Variants in CDH5 observed in about 807,000 individuals in gnomAD.
CDH5 encodes the protein cadherin 5, also known as cadherin-5.
A neutral mutation model predicts 62.0 loss-of-function variants in CDH5; 28 were observed. That is an observed-to-expected ratio of 0.45 (90% CI 0.33 to 0.62). The LOEUF (loss-of-function observed/expected upper bound fraction) is 0.62, where lower values mean the gene tolerates loss of function less well. CDH5 is among the 20% of genes least tolerant of loss of function. The pLI, the probability that CDH5 is intolerant of heterozygous loss-of-function variation, is 0.02. For synonymous variants in CDH5, 464 were observed against 445.8 expected (o/e 1.04, Z -0.52); for missense variants, 940 against 1,065.1 (o/e 0.88, Z 1.63).
chr16:66,398,309 T>C (rs1224117807), intron 9 of CDH5, 147 bp from the exon 10 acceptor site: 5 of 771,904 alleles, frequency 6.5e-6, no homozygotes, highest in Non-Finnish European at 1.1e-5. Context: ...GTAGAAAGAA[T>C]GGCTTTATGA....
intron 6 of CDH5, among the ~76,000 whole-genome samples, chr16:66,390,896 G>A (rs1275971623): frequency 6.6e-6 from 1 of 152,226 alleles, no homozygotes; most frequent in Non-Finnish European, 1.5e-5. Flanking sequence ...GAGGGTGAAG[G>A]AGCTGGGGTA....
At chr16:66,369,651 TC>T (rs1182911682) in intron 1 of CDH5, among the ~76,000 whole-genome samples, 2 of 152,136 alleles carry the variant, frequency 1.3e-5, no homozygotes, top group African/African-American at 4.8e-5. Flanking sequence ...GGGTGTTCTC[TC>T]CTTGAAGTTT....
Position 66,404,339 on chromosome 16 carries a change from C to G in CDH5, c.*1170C>G, listed in dbSNP as rs1381966428. ...GTCACCCATGCATCTTCCACTGGAA[C>G]GTTTCACTGCAAACACACCTTGGAG... On this transcript the variant is annotated 3_prime_UTR_variant, in exon 12 of 12. Transcript: ENST00000341529. The G allele has an allele frequency of 6.6e-6, 1 of 152,612 alleles. No individual in the cohort carries two copies. Among genetic ancestry groups the G allele is most frequent in the African/African-American group, 2.4e-5 (1 of 41,466 alleles). The allele number at this position is 152,612 out of a possible 1,614,324, so 9.5% of individuals were successfully genotyped here. A position where few individuals can be genotyped will look rare whatever the true frequency, so the allele number is the denominator to read the frequency against.
intron 7 of CDH5, among the ~76,000 whole-genome samples, chr16:66,394,822 T>A (rs1388069798): frequency 1.4e-5 from 2 of 138,106 alleles, no homozygotes; most frequent in Non-Finnish European, 3.1e-5. Flanking sequence ...CAAAAAAAAA[T>A]TCAGGACACA....
chr16:66,401,366 T>G (rs923869115), intron 11 of CDH5, among the ~76,000 whole-genome samples: 1 of 152,260 alleles, frequency 6.6e-6, no homozygotes, highest in Non-Finnish European at 1.5e-5. Context: ...GTTCTGGGCA[T>G]GTATTTACAT....
intron 6 of CDH5, among the ~76,000 whole-genome samples, chr16:66,391,365 G>A (rs1157994803): frequency 7.2e-5 from 11 of 152,164 alleles, no homozygotes; most frequent in Non-Finnish European, 1.5e-5. Flanking sequence ...ACCTCTGCTA[G>A]GAGGGGTTTC....
intron 7 of CDH5, chr16:66,395,503 C>CTTTTCTTTTTTTTTTTTTTTTTTTTT (rs1961164785): frequency 1.2e-5 from 1 of 80,956 alleles, no homozygotes; most frequent in Non-Finnish European, 2.2e-5. Context: ...CTTTTCTTTT[C>CTTTTCTTTTTTTTTTTTTTTTTTTTT]TTTTTTTTTT....
At chr16:66,379,266 T>G in intron 1 of CDH5, 53 bp from the exon 2 acceptor site, 1 of 1,310,710 alleles carries the variant, frequency 7.6e-7, no homozygotes, top group South Asian at 1.4e-5. Flanking sequence ...TGTGTCTAAG[T>G]ACTCCTTTCA....
chr16:66,403,514 C>A lies in CDH5; in HGVS notation c.*345C>A. ...AAGCAAAACAGACTGTGTTTAACTGCTGCAGGGTCTTTTTCTAGGGTCCCT... is the reference window on the plus strand; with the variant it reads ...AAGCAAAACAGACTGTGTTTAACTGATGCAGGGTCTTTTTCTAGGGTCCCT... On this transcript the variant is annotated 3_prime_UTR_variant, in exon 12 of 12. Coordinates refer to ENST00000341529, the MANE Select transcript of CDH5 (RefSeq NM_001795.5). This position sits in a 1 kb window ranked among gnomAD's most constrained non-coding sequence, Gnocchi z 4.3. 6.5e-6 allele frequency: 2 copies of A among 308,950 alleles called. No homozygotes were observed. Among genetic ancestry groups the A allele is most frequent in the Non-Finnish European group, 6.1e-6 (1 of 163,700 alleles). The allele number at this position is 308,950 out of a possible 1,614,324, so 19.1% of individuals were successfully genotyped here. A position where few individuals can be genotyped will look rare whatever the true frequency, so the allele number is the denominator to read the frequency against.
chr16:66,403,142 G>A lies in CDH5; in HGVS notation c.2328G>A (p.Ser776=). ...RFKMLAELYG[S]DPREELLY The stretch of plus-strand genomic sequence containing the variant: ...AGATGCTGGCTGAGCTGTACGGCTC[G>A]GACCCCCGGGAGGAGCTGCTGTATT... The change falls in exon 12 of 12, where the codon TCG becomes TCA. Residue 776 remains serine (S), a synonymous_variant. Transcript: ENST00000341529. This position sits in a 1 kb window ranked among gnomAD's most constrained non-coding sequence, Gnocchi z 4.3. 6.2e-7 allele frequency: 1 copy of A among 1,610,748 alleles called. No homozygotes were observed. Among genetic ancestry groups the A allele is most frequent in the South Asian group, 1.1e-5 (1 of 90,672 alleles).
At position 66,392,611 on chromosome 16, in the gene CDH5, T is replaced by C; in HGVS notation, c.1217+228T>C. 5.3e-6 allele frequency: 3 copies of C among 561,244 alleles called. No individual in the cohort carries two copies. The South Asian group carries it at 6.2e-5, about 12-fold the overall frequency. 34.8% of individuals were successfully genotyped at this position (561,244 alleles called of 1,614,324 possible). On this transcript the variant is annotated intron_variant, in intron 7 of 11. Transcript: ENST00000341529. ...ATGGTCCTGGGCATCCAGAGCTACTTGTCCTCTGTCCGGCCTTGAAGGCTT... is the reference window on the plus strand; with the variant it reads ...ATGGTCCTGGGCATCCAGAGCTACTCGTCCTCTGTCCGGCCTTGAAGGCTT...
intron 10 of CDH5, 95 bp from the exon 11 acceptor site, chr16:66,400,676 C>T (rs895968265): frequency 1.4e-6 from 2 of 1,467,922 alleles, no homozygotes; most frequent in Non-Finnish European, 1.9e-6. Context: ...AGGGAGCACG[C>T]AGGCTGGTGC....
rs1961182615 is a variant in CDH5 at position 66,396,186 on chromosome 16, G to C, written c.1345G>C (p.Glu449Gln). ...GTATAACCTGACTGTGGAGGCCAAA[G>C]AACTGGATTCCACTGGTGAGTGGCC... ...PWYNLTVEAK[E>Q]LDSTGTPTGK... Residue 449 changes from glutamate to glutamine, a missense_variant, in exon 8 of 12, where the codon GAA (glutamate) becomes CAA (glutamine). Coordinates refer to ENST00000341529, the MANE Select transcript of CDH5 (RefSeq NM_001795.5). 1.9e-6 allele frequency: 3 copies of C among 1,614,046 alleles called. No homozygotes were observed. Among genetic ancestry groups the C allele is most frequent in the African/African-American group, 1.3e-5 (1 of 74,944 alleles).
intron 1 of CDH5, among the ~76,000 whole-genome samples, chr16:66,374,882 T>C (rs1960757228): frequency 6.6e-6 from 1 of 152,158 alleles, no homozygotes; most frequent in African/African-American, 2.4e-5. Context: ...TGTGCCATGT[T>C]GGTGTGCTGC....
intron 7 of CDH5, among the ~76,000 whole-genome samples, chr16:66,394,542 G>T (rs1961140678): frequency 6.9e-6 from 1 of 145,158 alleles, no homozygotes. Flanking sequence ...CCTCATCTTT[G>T]CTATACAGTC....
chr16:66,402,475 G>T (rs1278248637), intron 11 of CDH5, among the ~76,000 whole-genome samples, 177 bp from the exon 12 acceptor site: 1 of 121,574 alleles, frequency 8.2e-6, no homozygotes, highest in Non-Finnish European at 1.8e-5. Flanking sequence ...GCGGGGATGG[G>T]GTTGCAGGGG....
In CDH5 at chr16:66,389,522, A is replaced by C; in HGVS notation, c.781A>C (p.Thr261Pro). ...INDNFPFFTQ[T>P]KYTFVVPEDT... Reference sequence around the variant, plus strand: ...TGACAACTTCCCCTTCTTCACCCAGAGTGAGCCCCTCCTCTAGGGCCCTGG... The same window carrying C: ...TGACAACTTCCCCTTCTTCACCCAGCGTGAGCCCCTCCTCTAGGGCCCTGG... Residue 261 changes from threonine to proline, a missense_variant and splice_region_variant, in exon 5 of 12, where the codon ACC becomes CCC. Transcript: ENST00000341529. The C allele has an allele frequency of 6.3e-7, 1 of 1,583,962 alleles. No homozygotes were observed. The highest frequency in any genetic ancestry group is 8.6e-7 in the Non-Finnish European group (1 of 1,160,460).
intron 1 of CDH5, among the ~76,000 whole-genome samples, chr16:66,372,803 C>T (rs1000378265): frequency 6.6e-6 from 1 of 152,206 alleles, no homozygotes; most frequent in Admixed American, 6.5e-5. Flanking sequence ...GCTCCACGCC[C>T]ACTCACCAGG....
chr16:66,396,158 CT>C lies in CDH5; in HGVS notation c.1318del (p.Trp440GlyfsTer4), dbSNP rs772024566. 2 of 1,614,176 alleles carry C rather than the reference CT, an allele frequency of 1.2e-6. No individual in the cohort carries two copies. Among genetic ancestry groups the C allele is most frequent in the Non-Finnish European group, 1.7e-6 (2 of 1,180,004 alleles). On this transcript the variant is annotated frameshift_variant, in exon 8 of 12. Coordinates refer to ENST00000341529, the MANE Select transcript of CDH5 (RefSeq NM_001795.5). LOFTEE classifies it high-confidence loss of function. Reference protein sequence around the residue: ...EKELDREVYPWYNLTVEAKEL... With the variant: ...EKELDREVYPXYNLTVEAKEL... ...AAGAACTGGACAGAGAAGTCTACCC[CT>C]GGTATAACCTGACTGTGGAGGCCAA...
Sources: allele counts gnomAD v4.1 joint callset (sites outside exome capture counted in the v4.1 genomes callset), GRCh38; gene constraint gnomAD v4.1.1; non-coding constraint Gnocchi (gnomAD v3.1); transcripts MANE v1.5; gene names NCBI Gene and HGNC (gene_info 2026-07-23, HGNC 2026-07-21).